Variants in NKAIN3 observed in about 807,000 individuals in gnomAD.
The protein encoded by NKAIN3 is sodium/potassium-transporting ATPase subunit beta-1-interacting protein 3.
In NKAIN3, 25 loss-of-function variants were observed where a neutral mutation model predicts 30.2. The ratio of observed to expected loss-of-function variants is 0.83; its 90% confidence interval spans 0.60 to 1.16. The LOEUF is 1.16. NKAIN3 is among the 50% of genes most tolerant of loss of function. The probability of loss-of-function intolerance (pLI) is 0.00; values close to 1 mark genes in which losing one functional copy is unlikely to be tolerated. For synonymous variants in NKAIN3, 91 were observed against 89.6 expected, an observed-to-expected ratio of 1.02 and a Z score of -0.09; for missense variants, 225 against 254.1, an observed-to-expected ratio of 0.89 and a Z score of 0.78.
chr8:62,327,209 G>C (rs1408010753), intron 1 of NKAIN3, among the ~76,000 whole-genome samples: 1 of 151,570 alleles, frequency 6.6e-6, no homozygotes, highest in Non-Finnish European at 1.5e-5. Flanking sequence ...ACATATTTTG[G>C]GTATTAACCT....
chr8:62,826,657 G>A (rs1025459656), intron 4 of NKAIN3, among the ~76,000 whole-genome samples: 2 of 152,114 alleles, frequency 1.3e-5, no homozygotes, highest in African/African-American at 2.4e-5. Context: ...ATTGCTCCAA[G>A]ACAAAAACCT....
At chr8:62,929,388 T>G (rs1220334859) in intron 5 of NKAIN3, among the ~76,000 whole-genome samples, 1 of 152,254 alleles carries the variant, frequency 6.6e-6, no homozygotes, top group Non-Finnish European at 1.5e-5. Context: ...TATTTTCTTT[T>G]CCTTTGCTCT....
chr8:62,872,824 T>C (rs1460474402), intron 4 of NKAIN3, among the ~76,000 whole-genome samples: 1 of 152,116 alleles, frequency 6.6e-6, no homozygotes, highest in Non-Finnish European at 1.5e-5. Context: ...GCTGAGGGAT[T>C]TCATTACCAC....
At chr8:62,289,473 T>C (rs1054011982) in intron 1 of NKAIN3, among the ~76,000 whole-genome samples, 1 of 152,188 alleles carries the variant, frequency 6.6e-6, no homozygotes, top group African/African-American at 2.4e-5. Flanking sequence ...CTAGCCAGTT[T>C]TCCCAGCACC....
intron 1 of NKAIN3, among the ~76,000 whole-genome samples, chr8:62,315,157 A>G (rs890335068): frequency 6.6e-6 from 1 of 152,222 alleles, no homozygotes; most frequent in African/African-American, 2.4e-5. Context: ...TCTAAGTTAC[A>G]GCTATGGGTT....
At chr8:62,408,400 T>A (rs1804142333) in intron 1 of NKAIN3, among the ~76,000 whole-genome samples, 1 of 152,144 alleles carries the variant, frequency 6.6e-6, no homozygotes, top group African/African-American at 2.4e-5. Flanking sequence ...ACTGAACTGG[T>A]GATTTTACTC....
intron 1 of NKAIN3, among the ~76,000 whole-genome samples, chr8:62,543,126 C>T (rs1282507350): frequency 5.9e-5 from 9 of 152,156 alleles, no homozygotes. Flanking sequence ...ATAACCCATA[C>T]TTGAAGGGGT....
intron 1 of NKAIN3, among the ~76,000 whole-genome samples, chr8:62,516,322 G>T (rs1807980201): frequency 6.6e-6 from 1 of 151,982 alleles, no homozygotes; most frequent in Admixed American, 6.6e-5. Flanking sequence ...TTTCACCATT[G>T]ATTAATGGTG....
chr8:62,639,847 A>G (rs1812253028), intron 3 of NKAIN3, among the ~76,000 whole-genome samples: 1 of 152,040 alleles, frequency 6.6e-6, no homozygotes, highest in Non-Finnish European at 1.5e-5. Flanking sequence ...GAGGGGGGCC[A>G]TAACTGATGA....
chr8:62,917,472 T>C (rs1822143024), intron 4 of NKAIN3, among the ~76,000 whole-genome samples: 1 of 152,204 alleles, frequency 6.6e-6, no homozygotes, highest in African/African-American at 2.4e-5. Flanking sequence ...TCTTGGCCTT[T>C]GTCCAGACAG....
intron 1 of NKAIN3, among the ~76,000 whole-genome samples, chr8:62,542,817 CT>C (rs1484207600): frequency 6.6e-6 from 1 of 152,118 alleles, no homozygotes; most frequent in Non-Finnish European, 1.5e-5. Context: ...CATGATTGCC[CT>C]TGTTCTGGCT....
At chr8:62,607,926 C>T (rs149247789) in intron 3 of NKAIN3, among the ~76,000 whole-genome samples, 53 of 152,190 alleles carry the variant, frequency 3.5e-4, no homozygotes, top group Middle Eastern at 3.4e-3. Flanking sequence ...AATTTATTAA[C>T]TTTTCCAAGG....
At chr8:62,707,413 T>A (rs1480862444) in intron 3 of NKAIN3, among the ~76,000 whole-genome samples, 1 of 152,184 alleles carries the variant, frequency 6.6e-6, no homozygotes, top group Non-Finnish European at 1.5e-5. Context: ...TTTTTGATTA[T>A]GGCCATTCTT....
intron 4 of NKAIN3, among the ~76,000 whole-genome samples, chr8:62,776,562 C>G (rs1328533019): frequency 6.6e-6 from 1 of 152,086 alleles, no homozygotes; most frequent in East Asian, 1.9e-4. Flanking sequence ...AATAAACTAA[C>G]AAGGAAAGAG....
intron 5 of NKAIN3, among the ~76,000 whole-genome samples, chr8:62,997,310 G>A (rs551856899): frequency 6.6e-6 from 1 of 152,230 alleles, no homozygotes; most frequent in South Asian, 2.1e-4. Flanking sequence ...GATAATGGGA[G>A]TGTATTTGGA....
intron 1 of NKAIN3, among the ~76,000 whole-genome samples, chr8:62,406,980 C>G: frequency 6.6e-6 from 1 of 152,134 alleles, no homozygotes; most frequent in East Asian, 1.9e-4. Flanking sequence ...AGCCACAATG[C>G]TGATACTGTC....
chr8:62,498,833 TG>T (rs1410020888), intron 1 of NKAIN3, among the ~76,000 whole-genome samples: 2 of 152,060 alleles, frequency 1.3e-5, no homozygotes, highest in East Asian at 3.9e-4. Context: ...TGGGGAGGAC[TG>T]ACATGAAGCA....
At chr8:62,378,149 G>A (rs1324938305) in intron 1 of NKAIN3, among the ~76,000 whole-genome samples, 9 of 152,160 alleles carry the variant, frequency 5.9e-5, no homozygotes, top group Admixed American at 5.2e-4. Context: ...GACCTTGTTG[G>A]GAACTGGAGT....
chr8:62,698,455 T>C (rs1463661921), intron 3 of NKAIN3, among the ~76,000 whole-genome samples: 5 of 152,180 alleles, frequency 3.3e-5, no homozygotes, highest in Non-Finnish European at 7.4e-5. Flanking sequence ...ACTTCAGCTG[T>C]GGTCCCTGCA....
Sources: gnomAD v4.1 joint callset for allele counts (sites outside exome capture counted in the v4.1 genomes callset) on GRCh38, gnomAD v4.1.1 for gene constraint, MANE v1.5 for transcripts, NCBI Gene and HGNC (gene_info 2026-07-23, HGNC 2026-07-21) for gene names.